The following ANKHD1 variants were observed in gnomAD, a reference collection of about 807,000 sequenced individuals.
The protein encoded by ANKHD1 is ankyrin repeat and KH domain containing 1.
ANKHD1 carries 31 observed loss-of-function variants against 230.5 expected under a neutral mutation model. The observed-to-expected ratio is 0.13, with a 90% confidence interval of 0.10 to 0.18. ANKHD1 has a LOEUF of 0.18. ANKHD1 is among the 10% of genes least tolerant of loss of function. The pLI is 1.00. For synonymous variants in ANKHD1, 1,074 were observed against 1,117.6 expected, an observed-to-expected ratio of 0.96 and a Z score of 0.78; for missense variants, 2,256 against 3,071.3, an observed-to-expected ratio of 0.73 and a Z score of 6.27.
intron 7 of ANKHD1, among the ~76,000 whole-genome samples, chr5:140,456,901 A>G (rs1460690495): frequency 6.6e-6 from 1 of 152,220 alleles, no homozygotes; most frequent in Non-Finnish European, 1.5e-5. Flanking sequence ...AAAAGAAACT[A>G]CCATCAGAGG....
intron 29 of ANKHD1, among the ~76,000 whole-genome samples, chr5:140,534,395 A>G (rs565420365): frequency 6.6e-6 from 1 of 151,952 alleles, no homozygotes; most frequent in African/African-American, 2.4e-5. Context: ...CCGTCTCAAA[A>G]AAAAAAAAAA....
chr5:140,498,855 C>CT (rs5871738), intron 15 of ANKHD1, among the ~76,000 whole-genome samples: 146,703 of 148,040 alleles, frequency 0.99, 72,690 homozygotes, highest in Middle Eastern at 1. Context: ...TATGTTAGAA[C>CT]TTTTTTTTTT....
chr5:140,452,832 C>A (rs1189541902), intron 7 of ANKHD1, among the ~76,000 whole-genome samples: 5 of 152,224 alleles, frequency 3.3e-5, no homozygotes, highest in Non-Finnish European at 7.3e-5. Context: ...CAAAGGAACG[C>A]AGCTCCTCAC....
At chr5:140,476,655 A>G (rs1382166288) in intron 10 of ANKHD1, among the ~76,000 whole-genome samples, 5 of 152,158 alleles carry the variant, frequency 3.3e-5, no homozygotes, top group Admixed American at 3.3e-4. Context: ...GAATAAACGA[A>G]TTACCATCAT....
At chr5:140,509,228 G>C (rs10463292) in intron 20 of ANKHD1, among the ~76,000 whole-genome samples, 29,433 of 152,124 alleles carry the variant, frequency 0.19, 3,328 homozygotes, top group East Asian at 0.29. Context: ...GATAGTACCA[G>C]TAGGAAATGT....
intron 24 of ANKHD1, among the ~76,000 whole-genome samples, chr5:140,521,096 T>C (rs1753330384): frequency 6.6e-6 from 1 of 152,110 alleles, no homozygotes; most frequent in East Asian, 1.9e-4. Context: ...AAAAATGTCA[T>C]GATCAAGTAG....
Position 140,496,985 on chromosome 5 carries a change from T to G in ANKHD1, c.2711T>G (p.Phe904Cys). 1.2e-6 allele frequency: 2 copies of G among 1,614,182 alleles called. No individual in the cohort carries two copies. Among genetic ancestry groups the G allele is most frequent in the Non-Finnish European group, 1.7e-6 (2 of 1,180,012 alleles). Reference sequence around the variant, plus strand: ...TTACCTCAGGTTGACACAATCTTATTTAAAGATAATGATGTTGATGATGAG... The same window carrying G: ...TTACCTCAGGTTGACACAATCTTATGTAAAGATAATGATGTTGATGATGAG... The part of the protein sequence containing the change: ...SELPQVDTIL[F>C]KDNDVDDEQQ... The change falls in exon 15 of 34, where the codon TTT (phenylalanine) becomes TGT (cysteine). Residue 904 changes from phenylalanine to cysteine, a missense_variant. Physicochemically the swap from Phe to Cys is radical, Grantham distance 205 (BLOSUM62 -2). Around this residue, in one of 13 missense-constraint regions of ANKHD1, gnomAD observed 358 missense variants for 397.7 expected, o/e 0.90. Transcript: ENST00000360839.
intron 10 of ANKHD1, among the ~76,000 whole-genome samples, chr5:140,479,592 A>C (rs2127009570): frequency 6.6e-6 from 1 of 151,776 alleles, no homozygotes; most frequent in South Asian, 2.1e-4. Context: ...TACATTATAC[A>C]TATATATTCC....
intron 1 of ANKHD1, among the ~76,000 whole-genome samples, chr5:140,410,365 TTCTGAG>T (rs1475778738): frequency 6.6e-6 from 1 of 152,158 alleles, no homozygotes; most frequent in African/African-American, 2.4e-5. Flanking sequence ...GCACATTCCT[TTCTGAG>T]TCTATTTGTT....
chr5:140,459,089 A>T (rs766611527), intron 8 of ANKHD1, 75 bp from the exon 9 acceptor site: 5 of 1,295,708 alleles, frequency 3.9e-6, no homozygotes, highest in Non-Finnish European at 5.0e-6. Context: ...AGAGATGATT[A>T]TCACAATTCA....
intron 17 of ANKHD1, 100 bp downstream of exon 17, chr5:140,505,333 G>C (rs1373970235): frequency 2.3e-6 from 3 of 1,299,662 alleles, no homozygotes; most frequent in Non-Finnish European, 3.2e-6. Flanking sequence ...TCAGTGATAA[G>C]ATGGATAAGT....
At chr5:140,478,739 G>A (rs1751100164) in intron 10 of ANKHD1, among the ~76,000 whole-genome samples, 1 of 151,982 alleles carries the variant, frequency 6.6e-6, no homozygotes, top group African/African-American at 2.4e-5. Flanking sequence ...TCACCTCCAA[G>A]GTTCAAGCGA....
chr5:140,433,074 C>T (rs891264317), intron 1 of ANKHD1, among the ~76,000 whole-genome samples: 13 of 142,768 alleles, frequency 9.1e-5, no homozygotes, highest in African/African-American at 3.1e-4. Context: ...AAAAAAAAAA[C>T]GGGGGTTTCT....
intron 1 of ANKHD1, among the ~76,000 whole-genome samples, chr5:140,421,760 A>C (rs1772001340): frequency 6.6e-6 from 1 of 152,206 alleles, no homozygotes; most frequent in Admixed American, 6.5e-5. Context: ...GTGAACAATA[A>C]GAGTCTGTAC....
rs187448730 is a variant in ANKHD1, at chr5:140,518,916, G to C, written c.4318-5150G>C. ...TCTCTCACCACTCTTATTCAACATA[G>C]TGTTGGAAGTTCTGGCCAGGGCAAA... On this transcript the variant is annotated intron_variant, in intron 24 of 33. Coordinates refer to ENST00000360839, the MANE Select transcript of ANKHD1 (RefSeq NM_017747.3). Among the ~76,000 whole-genome samples the C allele has an allele frequency of 2.1e-3, 324 of 152,262 alleles. 5 individuals are homozygous for C. The East Asian group carries it at 0.045, about 21-fold the overall frequency.
chr5:140,521,421 G>T (rs190294901), intron 24 of ANKHD1, among the ~76,000 whole-genome samples: 2 of 151,708 alleles, frequency 1.3e-5, no homozygotes, highest in East Asian at 3.9e-4. Context: ...GATCACTTGA[G>T]ACCAGCAGTT....
At chr5:140,472,272 G>A (rs1561774208) in intron 10 of ANKHD1, 1 of 1,613,462 alleles carries the variant, frequency 6.2e-7, no homozygotes, top group Non-Finnish European at 8.5e-7. Context: ...TATTTTGGAG[G>A]GCATAGATCC....
chr5:140,475,548 A>G lies in ANKHD1; in HGVS notation c.1783-7032A>G, dbSNP rs1200319248. ...CATATCCAGGTTGTATGTAAAAAAC[A>G]AAACAAAACAAACCCAAAAAAACTA... On this transcript the variant is annotated intron_variant, in intron 10 of 33. Coordinates refer to ENST00000360839, the MANE Select transcript of ANKHD1 (RefSeq NM_017747.3). Among the ~76,000 whole-genome samples, 8 of 151,656 alleles carry G rather than the reference A, an allele frequency of 5.3e-5. No homozygotes were observed. The Admixed American group carries it at 5.3e-4, about 10-fold the overall frequency.
chr5:140,529,612 G>A lies in ANKHD1; in HGVS notation c.6666G>A (p.Val2222=), dbSNP rs1753729071. Residue 2222 remains valine (V), a synonymous_variant, in exon 29 of 34, where the codon GTG becomes GTA. Transcript: ENST00000360839. ...HFSSLFDSSQ[V]PANQGWGDGP... ...GCAGTCTTTTTGATAGTAGTCAGGT[G>A]CCAGCTAACCAGGGCTGGGGAGATG... The A allele has an allele frequency of 6.2e-7, 1 of 1,614,062 alleles. No homozygotes were observed. Among genetic ancestry groups the A allele is most frequent in the East Asian group, 2.2e-5 (1 of 44,900 alleles).
Sources: gnomAD v4.1 joint callset for allele counts (sites outside exome capture counted in the v4.1 genomes callset) on GRCh38, gnomAD v4.1.1 for gene constraint, gnomAD v4.1.1 regional missense constraint, MANE v1.5 for transcripts, NCBI Gene and HGNC (gene_info 2026-07-23, HGNC 2026-07-21) for gene names.